Variants in NOL8 observed in about 807,000 individuals in gnomAD.
NOL8 encodes nucleolar protein Nop132.
In NOL8, 93 loss-of-function variants were observed where a neutral mutation model predicts 116.1. The observed-to-expected ratio is 0.80, with a 90% CI of 0.68 to 0.95. The LOEUF (loss-of-function observed/expected upper bound fraction) is 0.95. NOL8 is among the 40% of genes least tolerant of loss of function. The pLI is 0.00. For missense variants in NOL8, 1,291 were observed against 1,382.8 expected, an observed-to-expected ratio of 0.93 and a Z score of 1.05; for synonymous variants, 419 against 469.0, an observed-to-expected ratio of 0.89 and a Z score of 1.38.
chr9:92,316,268 T>C, intron 6 of NOL8, 130 bp from the exon 7 acceptor site: 1 of 1,008,528 alleles, frequency 9.9e-7, no homozygotes, highest in Non-Finnish European at 1.4e-6. Context: ...TAAAAGAAAA[T>C]GAGGACTTAA....
chr9:92,299,800 A>G, intron 14 of NOL8, 90 bp downstream of exon 14: 6 of 1,332,520 alleles, frequency 4.5e-6, no homozygotes, highest in Non-Finnish European at 6.2e-6. Flanking sequence ...TTTAGTTGTC[A>G]TGTGAAGAGA....
At chr9:92,307,447 TATAAG>T (rs1276761079) in intron 10 of NOL8, among the ~76,000 whole-genome samples, 1 of 152,142 alleles carries the variant, frequency 6.6e-6, no homozygotes, top group Non-Finnish European at 1.5e-5. Flanking sequence ...TATCTGACAA[TATAAG>T]ATATTAGTGG....
Position 92,306,876 on chromosome 9 carries a change from T to C in NOL8, c.2825+10A>G. 6.2e-7 allele frequency: 1 copy of C among 1,610,282 alleles called. No homozygotes were observed. The highest frequency in any genetic ancestry group is 8.5e-7 in the Non-Finnish European group (1 of 1,178,282). On this transcript the variant is annotated intron_variant, in intron 11 of 16. Transcript: ENST00000442668. ...TGATATGGTAGAATGGGATGGAACA[T>C]AAAACATACTTAAATTTCTTAGCAG...
intron 7 of NOL8, among the ~76,000 whole-genome samples, chr9:92,313,461 A>AT (rs1839041691): frequency 6.6e-6 from 1 of 152,226 alleles, no homozygotes; most frequent in Non-Finnish European, 1.5e-5. Context: ...CATGGGCTGG[A>AT]TGGCCTTTGA....
chr9:92,323,951 G>A (rs528092171), intron 2 of NOL8, 72 bp downstream of exon 2: 75 of 1,505,392 alleles, frequency 5.0e-5, no homozygotes, highest in East Asian at 9.1e-5. Context: ...TTATCTTGGG[G>A]TTGTTTTATT....
intron 11 of NOL8, among the ~76,000 whole-genome samples, chr9:92,306,183 G>A (rs1197154568): frequency 2.6e-5 from 4 of 151,908 alleles, no homozygotes; most frequent in Admixed American, 6.6e-5. Flanking sequence ...TAGTAGAGAC[G>A]GGGTTTCACC....
chr9:92,322,227 G>A (rs1325951772), intron 3 of NOL8, among the ~76,000 whole-genome samples: 1 of 152,182 alleles, frequency 6.6e-6, no homozygotes, highest in East Asian at 1.9e-4. Flanking sequence ...AGAACTTGCA[G>A]ATGAATTAAC....
Position 92,324,038 on chromosome 9 carries a change from G to A in NOL8, c.124C>T (p.Arg42Trp), listed in dbSNP as rs778480356. 9.3e-6 allele frequency: 15 copies of A among 1,613,800 alleles called. No individual in the cohort carries two copies. The highest frequency in any genetic ancestry group is 1.3e-5 in the African/African-American group (1 of 74,894). Residue 42 changes from arginine (R) to tryptophan (W), a missense_variant, in exon 2 of 17, where the codon CGG (arginine) becomes TGG (tryptophan). Transcript: ENST00000442668. Reference protein sequence around the residue: ...GEVSDVEIITRKDDQGNPQKV... With the variant: ...GEVSDVEIITWKDDQGNPQKV... ...CATAAATTACCTTGGTCATCTTTCCGTGTGATGATCTCCACATCCGAAACT... is the reference window on the plus strand; with the variant it reads ...CATAAATTACCTTGGTCATCTTTCCATGTGATGATCTCCACATCCGAAACT...
At position 92,306,745 on chromosome 9, in the gene NOL8, G is replaced by T. The variant is rs191014464; in HGVS notation, c.2825+141C>A. ...CTTGAAGTGAATCACTGGGTCAAAG[G>T]CAAGTATATTTTTAAGGGTCTGATA... On this transcript the variant is annotated intron_variant, in intron 11 of 16. Coordinates refer to ENST00000442668, the MANE Select transcript of NOL8 (RefSeq NM_017948.6). 5,130 of 654,642 alleles carry T rather than the reference G, an allele frequency of 7.8e-3. 37 individuals carry two copies. The highest frequency in any genetic ancestry group is 0.01 in the Non-Finnish European group (3,979 of 386,316). The allele number at this position is 654,642 out of a possible 1,614,324, so 40.6% of individuals were successfully genotyped here. A position where few individuals can be genotyped will look rare whatever the true frequency, so the allele number is the denominator to read the frequency against.
intron 10 of NOL8, among the ~76,000 whole-genome samples, chr9:92,307,813 A>G (rs9409664): frequency 0.58 from 88,839 of 152,032 alleles, 28,530 homozygotes; most frequent in African/African-American, 0.86. Flanking sequence ...AAACTAGGTA[A>G]AGTTATGAGG....
rs954220396 is a variant in NOL8, at chr9:92,299,975, A to C, written c.3217T>G (p.Trp1073Gly). 2.5e-6 allele frequency: 4 copies of C among 1,613,540 alleles called. No individual in the cohort carries two copies. The African/African-American group carries it at 4.0e-5, about 16-fold the overall frequency. ...VETVKPGKIV[W>G]QEDPRLQDSS... ...TCTTGTAAACGAGGGTCTTCCTGCC[A>C]GACAATCTTTCCAGGTTTCACTGTT... is the stretch of plus-strand genomic sequence containing the variant. The change falls in exon 14 of 17, where the codon TGG (tryptophan) becomes GGG (glycine). Residue 1073 changes from tryptophan (W) to glycine (G), a missense_variant. Trp to Gly is a radical substitution (Grantham distance 184, BLOSUM62 -2). Transcript: ENST00000442668.
rs749489755 is a variant in NOL8 at position 92,315,000 on chromosome 9, G to C, written c.1625C>G (p.Ala542Gly). The C allele has an allele frequency of 6.2e-7, 1 of 1,613,900 alleles. No homozygotes were observed. Among genetic ancestry groups the C allele is most frequent in the Non-Finnish European group, 8.5e-7 (1 of 1,179,894 alleles). Residue 542 changes from alanine (A) to glycine (G), a missense_variant, in exon 7 of 17, where the codon GCG becomes GGG. Coordinates refer to ENST00000442668, the MANE Select transcript of NOL8 (RefSeq NM_017948.6). Reference sequence around the variant, plus strand: ...TTCTAACAGGGAAGCCACAATCTCCGCAGGACGAATACACTGTCGGCCTCT... The same window carrying C: ...TTCTAACAGGGAAGCCACAATCTCCCCAGGACGAATACACTGTCGGCCTCT... ...LRRGRQCIRP[A>G]EIVASLLEGE...
chr9:92,307,044 T>G lies in NOL8; in HGVS notation c.2687-20A>C, dbSNP rs1838328747. ...TTACCTCTTTGAGGAAAAGGGATAA[T>G]TAATACTCTCTTGGAAAACACAGCC... On this transcript the variant is annotated intron_variant, in intron 10 of 16. Transcript: ENST00000442668. The G allele has an allele frequency of 3.0e-5, 48 of 1,599,634 alleles. No individual in the cohort carries two copies. Among genetic ancestry groups the G allele is most frequent in the Non-Finnish European group, 3.9e-5 (46 of 1,176,118 alleles).
At position 92,315,575 on chromosome 9, in the gene NOL8, AG is replaced by A. The variant is rs1332326458; in HGVS notation, c.1049del (p.Ser350PhefsTer2). 6.2e-7 allele frequency: 1 copy of A among 1,612,902 alleles called. No individual in the cohort carries two copies. Among genetic ancestry groups the A allele is most frequent in the Non-Finnish European group, 8.5e-7 (1 of 1,179,632 alleles). ...DFKSGVHKLH[S>X]LIGLGIKNRV... is the part of the protein sequence containing the mutation. Reference sequence around the variant, plus strand: ...GATTTTTGATACCTAAACCTATTAAAGAATGCAGTTTGTGAACGCCTGATTT... The same window carrying A: ...GATTTTTGATACCTAAACCTATTAAAAATGCAGTTTGTGAACGCCTGATTT... On this transcript the variant is annotated frameshift_variant, in exon 7 of 17. Transcript: ENST00000442668. LOFTEE classifies it high-confidence loss of function.
At chr9:92,308,199 G>A (rs1293324765) in intron 10 of NOL8, among the ~76,000 whole-genome samples, 3 of 152,082 alleles carry the variant, frequency 2.0e-5, no homozygotes, top group Non-Finnish European at 4.4e-5. Context: ...GACCCGCCTA[G>A]GCAACACAGC....
At chr9:92,313,841 G>T (rs1485864484) in intron 7 of NOL8, among the ~76,000 whole-genome samples, 2 of 152,186 alleles carry the variant, frequency 1.3e-5, no homozygotes, top group African/African-American at 2.4e-5. Flanking sequence ...TAACTGAACT[G>T]TGACTGTCAG....
intron 3 of NOL8, among the ~76,000 whole-genome samples, chr9:92,322,322 T>C (rs1839995338): frequency 6.6e-6 from 1 of 152,206 alleles, no homozygotes; most frequent in African/African-American, 2.4e-5. Flanking sequence ...AATAATACCA[T>C]TAACAGAATT....
chr9:92,312,722 G>T (rs1838933160), intron 7 of NOL8, among the ~76,000 whole-genome samples: 1 of 150,138 alleles, frequency 6.7e-6, no homozygotes, highest in Non-Finnish European at 1.5e-5. Context: ...AGCTACTCAG[G>T]AGGCTGAGGC....
intron 6 of NOL8, among the ~76,000 whole-genome samples, chr9:92,317,260 T>C (rs1041720918): frequency 2.6e-5 from 4 of 152,188 alleles, no homozygotes; most frequent in African/African-American, 9.7e-5. Context: ...GCACCCCACC[T>C]TAAGCGATTA....
Sources: gnomAD v4.1 joint callset for allele counts (sites outside exome capture counted in the v4.1 genomes callset) on GRCh38, gnomAD v4.1.1 for gene constraint, MANE v1.5 for transcripts, NCBI Gene and HGNC (gene_info 2026-07-23, HGNC 2026-07-21) for gene names.